The following BBS9 variants were observed in gnomAD, a reference collection of about 807,000 sequenced individuals.
The protein encoded by BBS9 is Bardet-Biedl syndrome 9, also known as protein PTHB1.
A neutral mutation model predicts 117.7 loss-of-function variants in BBS9; 89 were observed. That is an observed-to-expected ratio of 0.76 (90% CI 0.64 to 0.90). The LOEUF (loss-of-function observed/expected upper bound fraction) is 0.90. Among genes scored for constraint, BBS9 ranks in the 40% least tolerant of loss-of-function variants. BBS9 has a pLI of 0.00. For synonymous variants in BBS9, 379 were observed against 370.9 expected (o/e 1.02, Z -0.25); for missense variants, 982 against 1,042.2 (o/e 0.94, Z 0.80).
intron 21 of BBS9, among the ~76,000 whole-genome samples, chr7:33,582,162 T>G (rs113313042): frequency 7.2e-4 from 109 of 152,234 alleles, no homozygotes; most frequent in Non-Finnish European, 7.9e-4. Flanking sequence ...GTTATCTCAG[T>G]CAGGGCACTG....
chr7:33,452,969 G>A (rs1345277), intron 19 of BBS9, among the ~76,000 whole-genome samples: 95,787 of 152,026 alleles, frequency 0.63, 30,877 homozygotes, highest in African/African-American at 0.76. Context: ...AAAAGATTAA[G>A]TTACATGACT....
chr7:33,232,642 G>C (rs778038802), intron 5 of BBS9, among the ~76,000 whole-genome samples: 3 of 152,056 alleles, frequency 2.0e-5, no homozygotes, highest in Non-Finnish European at 4.4e-5. Context: ...AAAAAGGGTT[G>C]TTTATGAATG....
intron 19 of BBS9, among the ~76,000 whole-genome samples, chr7:33,429,542 T>C (rs187433245): frequency 2.2e-4 from 34 of 152,188 alleles, no homozygotes; most frequent in Non-Finnish European, 4.4e-4. Flanking sequence ...GAAAATAGCA[T>C]TGGTTTAGGA....
Position 33,291,971 on chromosome 7 carries a change from T to C in BBS9, c.1016+18015T>C, listed in dbSNP as rs78941745. Among the ~76,000 whole-genome samples the C allele has an allele frequency of 5.3e-3, 814 of 152,306 alleles. 12 individuals are homozygous for C. The highest frequency in any genetic ancestry group is 0.019 in the African/African-American group (779 of 41,572). ...TCCAGCTGAAGTTTTCTCCAGGGAATTGGCTTATAGAAAGATGTTTCCTCT... is the reference window on the plus strand; with the variant it reads ...TCCAGCTGAAGTTTTCTCCAGGGAACTGGCTTATAGAAAGATGTTTCCTCT... On this transcript the variant is annotated intron_variant, in intron 9 of 22. Coordinates refer to ENST00000242067, the MANE Select transcript of BBS9 (RefSeq NM_198428.3).
At chr7:33,510,198 T>C (rs1206653384) in intron 20 of BBS9, among the ~76,000 whole-genome samples, 1 of 152,148 alleles carries the variant, frequency 6.6e-6, no homozygotes, top group Non-Finnish European at 1.5e-5. Flanking sequence ...GAGTATCAGA[T>C]TGGGCAATTT....
chr7:33,532,483 G>T (rs1850740898), intron 20 of BBS9, among the ~76,000 whole-genome samples: 2 of 152,212 alleles, frequency 1.3e-5, no homozygotes, highest in African/African-American at 2.4e-5. Context: ...AGTCATTGCA[G>T]AAGGAACCTC....
chr7:33,305,489 T>C (rs770166708), intron 9 of BBS9, among the ~76,000 whole-genome samples: 12 of 152,198 alleles, frequency 7.9e-5, no homozygotes, highest in Non-Finnish European at 1.5e-4. Context: ...GGGATTGTTA[T>C]TACTTCCTTA....
intron 9 of BBS9, among the ~76,000 whole-genome samples, chr7:33,310,241 T>C (rs1267630923): frequency 6.6e-6 from 1 of 152,230 alleles, no homozygotes; most frequent in African/African-American, 2.4e-5. Context: ...TTTCTGTCAT[T>C]GTTTTTCTAC....
At chr7:33,307,305 A>G (rs1562969369) in intron 9 of BBS9, among the ~76,000 whole-genome samples, 1 of 152,210 alleles carries the variant, frequency 6.6e-6, no homozygotes, top group South Asian at 2.1e-4. Flanking sequence ...AGAAGTAATT[A>G]GTAATCATAA....
At chr7:33,317,834 A>G (rs1029588575) in intron 9 of BBS9, among the ~76,000 whole-genome samples, 2 of 152,184 alleles carry the variant, frequency 1.3e-5, no homozygotes, top group African/African-American at 2.4e-5. Flanking sequence ...GGCATATCAC[A>G]TGAAGCTAGG....
At position 33,216,612 on chromosome 7, in the gene BBS9, T is replaced by C. The variant is rs114227548; in HGVS notation, c.442+39021T>C. 1.8e-3 allele frequency among the ~76,000 whole-genome samples: 273 copies of C among 152,312 alleles called. 1 individual carries two copies. Among genetic ancestry groups the C allele is most frequent in the African/African-American group, 6.4e-3 (265 of 41,568 alleles). On this transcript the variant is annotated intron_variant, in intron 5 of 22. Transcript: ENST00000242067. ...TAAACTCATTGAAAATCAGTTATAG[T>C]ATTAGCAAAAGTTTACAGTGGTTGG...
intron 9 of BBS9, among the ~76,000 whole-genome samples, chr7:33,328,451 A>T (rs1388723191): frequency 6.6e-6 from 1 of 152,248 alleles, no homozygotes; most frequent in African/African-American, 2.4e-5. Context: ...ATTGATTAAA[A>T]TATGTTCAAG....
intron 19 of BBS9, among the ~76,000 whole-genome samples, chr7:33,497,195 T>TA (rs974881616): frequency 1.3e-5 from 2 of 152,192 alleles, no homozygotes; most frequent in Non-Finnish European, 2.9e-5. Flanking sequence ...AGCAATTTTT[T>TA]AAAAAGTAGA....
intron 5 of BBS9, among the ~76,000 whole-genome samples, chr7:33,218,558 G>A (rs1475238537): frequency 6.6e-6 from 1 of 152,226 alleles, no homozygotes; most frequent in Non-Finnish European, 1.5e-5. Flanking sequence ...TGGGAGATAG[G>A]CGAGTATTCA....
chr7:33,145,924 G>A (rs1792271778), intron 1 of BBS9, among the ~76,000 whole-genome samples: 1 of 152,178 alleles, frequency 6.6e-6, no homozygotes, highest in African/African-American at 2.4e-5. Flanking sequence ...AAATAGTGCT[G>A]ATGGAATTTG....
At chr7:33,154,886 A>G (rs544002189) in intron 3 of BBS9, among the ~76,000 whole-genome samples, 1 of 152,390 alleles carries the variant, frequency 6.6e-6, no homozygotes, top group South Asian at 2.1e-4. Context: ...CTCTGGCCCC[A>G]AGCCCAGAAC....
At chr7:33,374,771 C>A (rs1451274400) in intron 17 of BBS9, among the ~76,000 whole-genome samples, 1 of 151,888 alleles carries the variant, frequency 6.6e-6, no homozygotes, top group Non-Finnish European at 1.5e-5. Flanking sequence ...CATGGTGATA[C>A]CTGCCTATAA....
At chr7:33,499,247 A>T (rs1435229831) in intron 19 of BBS9, among the ~76,000 whole-genome samples, 1 of 152,178 alleles carries the variant, frequency 6.6e-6, no homozygotes, top group Non-Finnish European at 1.5e-5. Context: ...GCTATGTTGG[A>T]TGTTAGAGAT....
At chr7:33,452,671 G>GAT (rs902767673) in intron 19 of BBS9, among the ~76,000 whole-genome samples, 18 of 152,156 alleles carry the variant, frequency 1.2e-4, no homozygotes, top group African/African-American at 4.3e-4. Context: ...CTACTTATAT[G>GAT]TTTAGTGGAT....
Sources: allele counts gnomAD v4.1 joint callset (sites outside exome capture counted in the v4.1 genomes callset), GRCh38; gene constraint gnomAD v4.1.1; transcripts MANE v1.5; gene names NCBI Gene and HGNC (gene_info 2026-07-23, HGNC 2026-07-21).